NTM: variants seen among roughly 807,000 people sequenced by gnomAD.
The protein encoded by NTM is IgLON family member 2.
NTM carries 13 observed loss-of-function variants against 42.1 expected under a neutral mutation model. That is an observed-to-expected ratio of 0.31 (90% CI 0.20 to 0.49). NTM has a LOEUF of 0.49. Among genes scored for constraint, NTM ranks in the 20% least tolerant of loss-of-function variants. The pLI, the probability that NTM is intolerant of heterozygous loss-of-function variation, is 0.99. For synonymous variants in NTM, 187 were observed against 179.2 expected (o/e 1.04, Z -0.35); for missense variants, 373 against 452.8 (o/e 0.82, Z 1.60).
chr11:132,275,752 A>ATATATATATG (rs1565363439), intron 4 of NTM, among the ~76,000 whole-genome samples: 7 of 26,828 alleles, frequency 2.6e-4, no homozygotes, highest in African/African-American at 9.6e-4. Context: ...ATATATGTGT[A>ATATATATATG]TATATATATA....
intron 2 of NTM, among the ~76,000 whole-genome samples, chr11:132,135,139 A>C (rs1327693000): frequency 6.6e-6 from 1 of 152,080 alleles, no homozygotes; most frequent in Admixed American, 6.5e-5. Context: ...CAGGAGACAG[A>C]AATGTTCTTG....
intron 4 of NTM, among the ~76,000 whole-genome samples, chr11:132,293,291 G>A (rs2094510686): frequency 6.6e-6 from 1 of 152,134 alleles, no homozygotes; most frequent in Admixed American, 6.5e-5. Context: ...AAGTTTAACT[G>A]GAAAACAAAG....
At chr11:131,935,037 A>G (rs1008175825) in intron 2 of NTM, among the ~76,000 whole-genome samples, 1 of 152,132 alleles carries the variant, frequency 6.6e-6, no homozygotes, top group African/African-American at 2.4e-5. Context: ...CAGGTGAGGG[A>G]TAGTGGAAGA....
intron 1 of NTM, among the ~76,000 whole-genome samples, chr11:131,420,691 C>T (rs1947412141): frequency 6.6e-6 from 1 of 152,178 alleles, no homozygotes; most frequent in Non-Finnish European, 1.5e-5. Context: ...GCAGAGCAGC[C>T]ATTGAGGGAA....
intron 2 of NTM, among the ~76,000 whole-genome samples, chr11:131,912,020 C>G (rs560546926): frequency 6.6e-5 from 10 of 152,326 alleles, no homozygotes; most frequent in African/African-American, 2.2e-4. Context: ...GCAGTCTTCT[C>G]TGAAGTTAAT....
intron 4 of NTM, among the ~76,000 whole-genome samples, chr11:132,291,304 T>C (rs3099783): frequency 0.64 from 97,087 of 152,056 alleles, 31,416 homozygotes; most frequent in East Asian, 0.89. Flanking sequence ...GATTTGATAT[T>C]GGATTCAGGA....
intron 1 of NTM, among the ~76,000 whole-genome samples, chr11:131,378,808 C>T (rs556518642): frequency 2.2e-4 from 33 of 152,308 alleles, no homozygotes; most frequent in Middle Eastern, 3.4e-3. Context: ...TACCTAGCCT[C>T]CCTGCCCCTC....
intron 1 of NTM, among the ~76,000 whole-genome samples, chr11:131,870,639 C>T (rs1398443756): frequency 6.6e-6 from 1 of 152,126 alleles, no homozygotes; most frequent in Non-Finnish European, 1.5e-5. Context: ...ATTCTATTCC[C>T]TTGAATCTTA....
At chr11:131,874,422 A>G (rs1373682491) in intron 1 of NTM, among the ~76,000 whole-genome samples, 1 of 152,196 alleles carries the variant, frequency 6.6e-6, no homozygotes, top group Non-Finnish European at 1.5e-5. Context: ...CAGCAGCAAC[A>G]ACAAAATAAC....
At chr11:131,866,577 C>A (rs371228702) in intron 1 of NTM, among the ~76,000 whole-genome samples, 3 of 152,256 alleles carry the variant, frequency 2.0e-5, no homozygotes. Context: ...GTGTCTCCCC[C>A]TCCCCTGCAA....
chr11:131,531,076 G>A lies in NTM; in HGVS notation c.82+160188G>A, dbSNP rs188240107. Among the ~76,000 whole-genome samples, 10 of 152,310 alleles carry A rather than the reference G, an allele frequency of 6.6e-5. No individual in the cohort carries two copies. The East Asian group carries it at 1.9e-3, about 29-fold the overall frequency. On this transcript the variant is annotated intron_variant, in intron 1 of 8. Transcript: ENST00000683400. Reference sequence around the variant, plus strand: ...CCTGTTATTTCCACTTCATAGATGAGAAAGCTGAGGCTTTGGCAAAGCCGA... The same window carrying A: ...CCTGTTATTTCCACTTCATAGATGAAAAAGCTGAGGCTTTGGCAAAGCCGA...
chr11:132,271,499 G>C (rs987182698), intron 4 of NTM, among the ~76,000 whole-genome samples: 8 of 152,116 alleles, frequency 5.3e-5, no homozygotes, highest in Non-Finnish European at 1.2e-4. Context: ...CTGTACCATT[G>C]TACATTCTCA....
chr11:132,200,518 T>G (rs2080993829), intron 3 of NTM, among the ~76,000 whole-genome samples: 1 of 152,342 alleles, frequency 6.6e-6, no homozygotes, highest in Admixed American at 6.5e-5. Context: ...CACCACAGCC[T>G]TCTTACTGCA....
At chr11:132,099,815 G>C (rs1055815226) in intron 2 of NTM, among the ~76,000 whole-genome samples, 1 of 152,184 alleles carries the variant, frequency 6.6e-6, no homozygotes, top group African/African-American at 2.4e-5. Context: ...AAAAAGCATT[G>C]TAACAACTGG....
At chr11:132,009,137 T>C (rs2071502910) in intron 2 of NTM, among the ~76,000 whole-genome samples, 1 of 152,204 alleles carries the variant, frequency 6.6e-6, no homozygotes, top group Non-Finnish European at 1.5e-5. Flanking sequence ...AGTCTCCCTG[T>C]CTTTTGTTAG....
intron 1 of NTM, among the ~76,000 whole-genome samples, chr11:131,373,093 C>A (rs968304454): frequency 1.3e-5 from 2 of 152,190 alleles, no homozygotes; most frequent in Non-Finnish European, 2.9e-5. Flanking sequence ...CCAATTTTAA[C>A]GCAGAACGAC....
intron 4 of NTM, among the ~76,000 whole-genome samples, chr11:132,272,030 A>G (rs574143402): frequency 9.7e-4 from 147 of 152,222 alleles, no homozygotes; most frequent in Non-Finnish European, 1.7e-3. Context: ...TATATTATGT[A>G]TCTTGAGTTA....
chr11:131,458,130 T>C (rs1951065175), intron 1 of NTM, among the ~76,000 whole-genome samples: 1 of 152,182 alleles, frequency 6.6e-6, no homozygotes, highest in Admixed American at 6.5e-5. Flanking sequence ...AGCCTGGAGT[T>C]ACTCCAATAC....
At chr11:132,104,664 A>G (rs1277117408) in intron 2 of NTM, among the ~76,000 whole-genome samples, 2 of 150,170 alleles carry the variant, frequency 1.3e-5, no homozygotes, top group African/African-American at 4.9e-5. Flanking sequence ...AGTCCCAGCT[A>G]CTCAGGAGGA....
Sources: gnomAD v4.1 joint callset for allele counts (sites outside exome capture counted in the v4.1 genomes callset) on GRCh38, gnomAD v4.1.1 for gene constraint, MANE v1.5 for transcripts, NCBI Gene and HGNC (gene_info 2026-07-23, HGNC 2026-07-21) for gene names.